The following TP53I11 variants were observed in gnomAD, a reference collection of about 807,000 sequenced individuals.
TP53I11 encodes tumor protein p53 inducible protein 11, also known as tumor protein p53-inducible protein 11.
In TP53I11, 9 loss-of-function variants were observed where a neutral mutation model predicts 23.3. That is an observed-to-expected ratio of 0.39 (90% confidence interval 0.23 to 0.67). The LOEUF is 0.67. Ranked by LOEUF, TP53I11 falls within the 30% of genes least tolerant of loss-of-function variation. The pLI, the probability that TP53I11 is intolerant of heterozygous loss-of-function variation, is 0.48. For missense variants in TP53I11, 170 were observed against 255.2 expected, an observed-to-expected ratio of 0.67 and a Z score of 2.27; for synonymous variants, 100 against 106.1, an observed-to-expected ratio of 0.94 and a Z score of 0.35.
At chr11:44,947,012 T>C (rs1233200880) in intron 1 of TP53I11, 2 of 456,082 alleles carry the variant, frequency 4.4e-6, no homozygotes, top group African/African-American at 4.0e-5. Context: ...TTCCAAAGCT[T>C]TAGGGACAAA....
rs537051225 is a variant in TP53I11, at chr11:44,944,224, C to G, written c.-31-5858G>C. Reference sequence around the variant, plus strand: ...AAGGTTAGAGGACTGGATGAGAACACTGGCCTCTGACATTGCCCCACCTCC... The same window carrying G: ...AAGGTTAGAGGACTGGATGAGAACAGTGGCCTCTGACATTGCCCCACCTCC... On this transcript the variant is annotated intron_variant, in intron 1 of 6. Coordinates refer to ENST00000525680, the MANE Select transcript of TP53I11 (RefSeq NM_006034.5). Among the ~76,000 whole-genome samples, 6 of 152,322 alleles carry G rather than the reference C, an allele frequency of 3.9e-5. No homozygotes were observed. The East Asian group carries it at 1.2e-3, about 29-fold the overall frequency.
chr11:44,935,239 G>A (rs1860956685), intron 6 of TP53I11, among the ~76,000 whole-genome samples: 1 of 152,200 alleles, frequency 6.6e-6, no homozygotes, highest in African/African-American at 2.4e-5. Flanking sequence ...CACAGCAGGT[G>A]GGCAAAATTG....
intron 1 of TP53I11, among the ~76,000 whole-genome samples, chr11:44,938,600 C>T (rs1286537135): frequency 6.6e-6 from 1 of 152,204 alleles, no homozygotes. Context: ...CAGCACACCC[C>T]ATCTGACAGG....
chr11:44,937,952 AATG>A (rs1861341660), intron 2 of TP53I11, among the ~76,000 whole-genome samples: 1 of 152,232 alleles, frequency 6.6e-6, no homozygotes, highest in Non-Finnish European at 1.5e-5. Context: ...AAAATGGGTG[AATG>A]ATTTTACAGT....
intron 5 of TP53I11, 32 bp from the exon 6 acceptor site, chr11:44,935,694 T>TTTTTAATGGGGGGGGGGGGGG: frequency 1.5e-6 from 1 of 675,754 alleles, no homozygotes; most frequent in Non-Finnish European, 2.7e-6. Flanking sequence ...GGGCTGGGGG[T>TTTTTAATGGGGGGGGGGGGGG]GGGACAGCTG....
Position 44,936,610 on chromosome 11 carries a change from T to G in TP53I11, c.334+193A>C, listed in dbSNP as rs968321060. On this transcript the variant is annotated intron_variant, in intron 5 of 6. Coordinates refer to ENST00000525680, the MANE Select transcript of TP53I11 (RefSeq NM_006034.5). The surrounding 1 kb of genome is among the most constrained non-coding windows in gnomAD (Gnocchi z 4.4). ...CGACTGCAAGCTCCAACCCACTGGG[T>G]GTATTCCACCAATGGCCACAAGATG... The G allele has an allele frequency of 7.5e-7, 1 of 1,333,280 alleles. No homozygotes were observed. The highest frequency in any genetic ancestry group is 9.6e-7 in the Non-Finnish European group (1 of 1,042,700). The allele number at this position is 1,333,280 out of a possible 1,614,324, so 82.6% of individuals were successfully genotyped here.
chr11:44,938,292 T>G lies in TP53I11; in HGVS notation c.44A>C (p.Gln15Pro). 1 of 1,612,586 alleles carries G rather than the reference T, an allele frequency of 6.2e-7. No homozygotes were observed. Residue 15 changes from glutamine (Q) to proline (P), a missense_variant, in exon 2 of 7, where the codon CAG becomes CCG. Gln to Pro is a moderately conservative substitution (Grantham distance 76). Coordinates refer to ENST00000525680, the MANE Select transcript of TP53I11 (RefSeq NM_006034.5). ...QPPPLMKKHSQTDLVSRLKTR... is the reference protein window; with the variant it reads ...QPPPLMKKHSPTDLVSRLKTR... ...CTTCAGGCGGCTCACGAGGTCCGTC[T>G]GGCTGTGCTTCTTCATCAGAGGCGG...
At chr11:44,946,142 G>A (rs1302218499) in intron 1 of TP53I11, among the ~76,000 whole-genome samples, 1 of 152,168 alleles carries the variant, frequency 6.6e-6, no homozygotes. Flanking sequence ...GCTGTCCGGG[G>A]GCTAGAGAGA....
intron 1 of TP53I11, among the ~76,000 whole-genome samples, chr11:44,949,730 GCA>G (rs1862754343): frequency 6.6e-6 from 1 of 152,154 alleles, no homozygotes; most frequent in Non-Finnish European, 1.5e-5. Context: ...TCTGCCCACG[GCA>G]GGGGCCCTAA....
chr11:44,950,511 G>A (rs1406112522), intron 1 of TP53I11, among the ~76,000 whole-genome samples, 166 bp downstream of exon 1: 2 of 151,954 alleles, frequency 1.3e-5, no homozygotes, highest in Non-Finnish European at 2.9e-5. Flanking sequence ...CGGGCTCAGC[G>A]GGTGCCGAGA....
intron 4 of TP53I11, 68 bp downstream of exon 4, chr11:44,937,236 G>C (rs1861243038): frequency 1.3e-6 from 2 of 1,538,004 alleles, no homozygotes; most frequent in East Asian, 4.9e-5. Context: ...AGGCACCTCT[G>C]GTGAGCCAGA....
intron 1 of TP53I11, among the ~76,000 whole-genome samples, chr11:44,945,931 A>T (rs1862350941): frequency 6.6e-6 from 1 of 152,192 alleles, no homozygotes; most frequent in African/African-American, 2.4e-5. Context: ...GAGATCCCCT[A>T]GCCCAGAATC....
intron 1 of TP53I11, among the ~76,000 whole-genome samples, chr11:44,946,825 C>T (rs1035705680): frequency 6.6e-5 from 10 of 152,194 alleles, no homozygotes; most frequent in African/African-American, 2.4e-4. Flanking sequence ...CCCAGCCCTG[C>T]CTCACAGCGG....
In TP53I11 at chr11:44,934,829, G is replaced by C. The variant is rs1483612044; in HGVS notation, c.*55C>G. The C allele has an allele frequency of 1.2e-6, 2 of 1,606,822 alleles. No individual in the cohort carries two copies. The highest frequency in any genetic ancestry group is 3.4e-5 in the Admixed American group (2 of 59,574). On this transcript the variant is annotated 3_prime_UTR_variant, in exon 7 of 7. Transcript: ENST00000525680. The stretch of plus-strand genomic sequence containing the variant: ...CTTCCAGGAGCCAAAGGGAAGCCGA[G>C]GCCCCAGCGCCACTCTGGCCCAGGC...
chr11:44,934,930 C>T lies in TP53I11; in HGVS notation c.524G>A (p.Ser175Asn). 1 of 1,614,168 alleles carries T rather than the reference C, an allele frequency of 6.2e-7. No homozygotes were observed. Among genetic ancestry groups the T allele is most frequent in the Non-Finnish European group, 8.5e-7 (1 of 1,180,008 alleles). ...GCCGACTTGGTAATAGTAGTAAATGCTGATGACGACAAAAAGGAGGCGGCT... is the reference window on the plus strand; with the variant it reads ...GCCGACTTGGTAATAGTAGTAAATGTTGATGACGACAAAAAGGAGGCGGCT... ...LVSRLLFVVI[S>N]IYYYYQVGRR... Residue 175 changes from serine to asparagine, a missense_variant, in exon 7 of 7, where the codon AGC (serine) becomes AAC (asparagine). Transcript: ENST00000525680.
At chr11:44,943,685 C>A (rs936854187) in intron 1 of TP53I11, among the ~76,000 whole-genome samples, 1 of 152,224 alleles carries the variant, frequency 6.6e-6, no homozygotes, top group Admixed American at 6.5e-5. Context: ...TCCTCATCCT[C>A]CTCTGGACTC....
intron 1 of TP53I11, among the ~76,000 whole-genome samples, chr11:44,939,969 G>C (rs985209021): frequency 1.3e-5 from 2 of 152,244 alleles, no homozygotes; most frequent in Non-Finnish European, 2.9e-5. Context: ...TTCGGTGTGT[G>C]CCAGCCATCA....
chr11:44,940,085 A>G (rs1426800661), intron 1 of TP53I11, among the ~76,000 whole-genome samples: 3 of 152,210 alleles, frequency 2.0e-5, no homozygotes, highest in Non-Finnish European at 4.4e-5. Flanking sequence ...GCTGCTAGCC[A>G]CTGCCTTCTG....
Position 44,936,683 on chromosome 11 carries a change from G to A in TP53I11, c.334+120C>T, listed in dbSNP as rs943364569. 4 of 1,365,810 alleles carry A rather than the reference G, an allele frequency of 2.9e-6. No homozygotes were observed. Among genetic ancestry groups the A allele is most frequent in the Admixed American group, 3.5e-5 (1 of 28,612 alleles). 84.6% of individuals were successfully genotyped at this position (1,365,810 alleles called of 1,614,324 possible). A position where few individuals can be genotyped will look rare whatever the true frequency, so the allele number is the denominator to read the frequency against. On this transcript the variant is annotated intron_variant, in intron 5 of 6. Transcript: ENST00000525680. The surrounding 1 kb of genome is among the most constrained non-coding windows in gnomAD (Gnocchi z 4.4). ...CTTCATCAGAGGCCGGGGTGTGGGCGCAGCATCTGGCCGAAGAAAGGAAGG... is the reference window on the plus strand; with the variant it reads ...CTTCATCAGAGGCCGGGGTGTGGGCACAGCATCTGGCCGAAGAAAGGAAGG...
Sources: allele counts gnomAD v4.1 joint callset (sites outside exome capture counted in the v4.1 genomes callset), GRCh38; gene constraint gnomAD v4.1.1; non-coding constraint Gnocchi (gnomAD v3.1); transcripts MANE v1.5; gene names NCBI Gene and HGNC (gene_info 2026-07-23, HGNC 2026-07-21).